The following COPB1 variants were observed in gnomAD, a reference collection of about 807,000 sequenced individuals.
The protein encoded by COPB1 is coat protein complex I subunit beta 1.
COPB1 carries 21 observed loss-of-function variants against 108.7 expected under a neutral mutation model. The observed-to-expected ratio is 0.19, with a 90% CI of 0.14 to 0.28. The LOEUF (loss-of-function observed/expected upper bound fraction) is 0.28. COPB1 is among the 10% of genes least tolerant of loss of function. The pLI, the probability that COPB1 is intolerant of heterozygous loss-of-function variation, is 1.00. For missense variants in COPB1, 919 were observed against 1,141.3 expected (o/e 0.81, Z 2.81); for synonymous variants, 378 against 386.8 (o/e 0.98, Z 0.27).
chr11:14,469,049 C>T (rs1850347450), intron 15 of COPB1, among the ~76,000 whole-genome samples, 189 bp from the exon 16 acceptor site: 1 of 152,134 alleles, frequency 6.6e-6, no homozygotes, highest in Non-Finnish European at 1.5e-5. Flanking sequence ...AGGCGGAGTG[C>T]AGTGGTATGA....
At chr11:14,496,122 A>G (rs1440835142) in intron 2 of COPB1, among the ~76,000 whole-genome samples, 1 of 152,236 alleles carries the variant, frequency 6.6e-6, no homozygotes, top group African/African-American at 2.4e-5. Context: ...ACTGCAAACT[A>G]TCTTCTAAAA....
At chr11:14,463,914 T>A (rs922025191) in intron 18 of COPB1, among the ~76,000 whole-genome samples, 3 of 152,196 alleles carry the variant, frequency 2.0e-5, no homozygotes, top group South Asian at 4.1e-4. Flanking sequence ...TCCTCTGCCA[T>A]CTCTCACTTG....
intron 12 of COPB1, among the ~76,000 whole-genome samples, chr11:14,476,323 C>A (rs576732200): frequency 5.9e-5 from 9 of 152,262 alleles, no homozygotes; most frequent in Admixed American, 5.9e-4. Flanking sequence ...GAAATTTTAA[C>A]CAAAACAGTA....
At chr11:14,461,728 C>T (rs10832276) in intron 18 of COPB1, among the ~76,000 whole-genome samples, 48,959 of 151,952 alleles carry the variant, frequency 0.32, 9,132 homozygotes, top group South Asian at 0.45. Flanking sequence ...TACAAGTGGA[C>T]GATGTTCCCA....
intron 2 of COPB1, among the ~76,000 whole-genome samples, chr11:14,495,187 T>C (rs1159552846): frequency 6.6e-6 from 1 of 152,238 alleles, no homozygotes; most frequent in African/African-American, 2.4e-5. Flanking sequence ...TATCATTGCA[T>C]ACTGAAGAAT....
intron 19 of COPB1, among the ~76,000 whole-genome samples, chr11:14,460,550 C>T (rs931484899): frequency 1.3e-5 from 2 of 151,838 alleles, no homozygotes; most frequent in South Asian, 2.1e-4. Flanking sequence ...CAGGGTCTCA[C>T]TCTGTCACCC....
chr11:14,486,673 C>T lies in COPB1; in HGVS notation c.700-169G>A, dbSNP rs898450267. ...GACAAAATGGGATGAGACACTATGACACAACATCAGTAATTTCAGAAAGAA... is the reference window on the plus strand; with the variant it reads ...GACAAAATGGGATGAGACACTATGATACAACATCAGTAATTTCAGAAAGAA... On this transcript the variant is annotated intron_variant, in intron 6 of 21. Transcript: ENST00000439561. 3.3e-5 allele frequency among the ~76,000 whole-genome samples: 5 copies of T among 152,026 alleles called. 1 individual carries two copies. In the South Asian group the frequency reaches 8.3e-4, roughly 25 times the overall value.
intron 20 of COPB1, among the ~76,000 whole-genome samples, chr11:14,459,240 T>C (rs964270709): frequency 8.4e-5 from 9 of 106,718 alleles, no homozygotes; most frequent in African/African-American, 2.9e-4. Context: ...TGTATTTATA[T>C]ATTCTGTTTA....
chr11:14,476,935 C>A lies in COPB1; in HGVS notation c.1439G>T (p.Arg480Leu). ...EDIQSVMTEI[R>L]RSLGEIPIVE... ...AAAACATACCTCTCCAAGGGACCTG[C>A]GGATCTCAGTCATCACACTCTGAAT... The change falls in exon 12 of 22, where the codon CGC becomes CTC. Residue 480 changes from arginine to leucine, a missense_variant. Physicochemically the swap from Arg to Leu is moderately radical, Grantham distance 102. Transcript: ENST00000439561. 3 of 1,606,936 alleles carry A rather than the reference C, an allele frequency of 1.9e-6. No homozygotes were observed. The highest frequency in any genetic ancestry group is 2.6e-6 in the Non-Finnish European group (3 of 1,173,564).
At chr11:14,481,948 C>T (rs1431389282) in intron 8 of COPB1, among the ~76,000 whole-genome samples, 7 of 152,098 alleles carry the variant, frequency 4.6e-5, no homozygotes, top group African/African-American at 1.4e-4. Flanking sequence ...ACCACCATGT[C>T]CAGCTAATTT....
rs143255654 is a variant in COPB1, at chr11:14,471,801, A to T, written c.1738-2238T>A. 6.9e-3 allele frequency among the ~76,000 whole-genome samples: 1,054 copies of T among 152,292 alleles called. 9 individuals carry two copies. The highest frequency in any genetic ancestry group is 0.024 in the African/African-American group (1,000 of 41,546). On this transcript the variant is annotated intron_variant, in intron 14 of 21. Transcript: ENST00000439561. ...GACAGGCGTGGTGGCAGGCGCCTGT[A>T]GCCCCAGCTACTCGGGAGGCTGAGC...
chr11:14,480,149 G>C (rs1429010795), intron 10 of COPB1, among the ~76,000 whole-genome samples: 1 of 152,156 alleles, frequency 6.6e-6, no homozygotes, highest in Non-Finnish European at 1.5e-5. Context: ...AATGTAAATT[G>C]AGAGACAAGT....
rs1851085056 is a variant in COPB1 at position 14,498,828 on chromosome 11, C to A, written c.91+10G>T. ...TTTCATTTCATTCTCAAAATAATAT[C>A]GAAGTTTACCTAGATCATTTTTTAA... On this transcript the variant is annotated intron_variant, in intron 2 of 21. Coordinates refer to ENST00000439561, the MANE Select transcript of COPB1 (RefSeq NM_001144061.2). 1.3e-6 allele frequency: 2 copies of A among 1,557,314 alleles called. No homozygotes were observed. Among genetic ancestry groups the A allele is most frequent in the Admixed American group, 2.0e-5 (1 of 50,450 alleles).
chr11:14,461,274 T>G lies in COPB1; in HGVS notation c.2468A>C (p.His823Pro). ...CTGGATATAGTCCATGATGTCGATG[T>G]GAATATCACTGAGAACCACACAATT... ...DRNCVVLSDI[H>P]IDIMDYIQPA... Residue 823 changes from histidine to proline, a missense_variant, in exon 19 of 22, where the codon CAC becomes CCC. By Grantham distance (77) the His-to-Pro change is moderately conservative. Coordinates refer to ENST00000439561, the MANE Select transcript of COPB1 (RefSeq NM_001144061.2). 1 of 1,614,174 alleles carries G rather than the reference T, an allele frequency of 6.2e-7. No individual in the cohort carries two copies. Among genetic ancestry groups the G allele is most frequent in the African/African-American group, 1.3e-5 (1 of 75,042 alleles).
chr11:14,460,447 C>T, intron 19 of COPB1, 150 bp from the exon 20 acceptor site: 2 of 578,204 alleles, frequency 3.5e-6, no homozygotes, highest in African/African-American at 3.8e-5. Flanking sequence ...TAAAATCCAA[C>T]AAGCTGTAGG....
rs1414576884 is a variant in COPB1 at position 14,468,819 on chromosome 11, G to T, written c.2007C>A (p.Asp669Glu). 1.9e-6 allele frequency: 3 copies of T among 1,613,958 alleles called. No individual in the cohort carries two copies. The highest frequency in any genetic ancestry group is 2.5e-6 in the Non-Finnish European group (3 of 1,179,892). The part of the protein sequence containing the change: ...EKRNVTVQPD[D>E]PISFMQLTAK... ...CAGTTAGTTGCATGAAGGAAATGGG[G>T]TCATCAGGCTGTACTGTCACATTCC... Residue 669 changes from aspartate to glutamate, a missense_variant, in exon 16 of 22, where the codon GAC becomes GAA. Asp to Glu is a conservative substitution (Grantham distance 45). This residue lies in a region of COPB1 where 705 missense variants were observed against 817.8 expected (regional missense o/e 0.86). Transcript: ENST00000439561.
At chr11:14,467,495 T>G (rs1481847795) in intron 16 of COPB1, among the ~76,000 whole-genome samples, 4 of 152,082 alleles carry the variant, frequency 2.6e-5, no homozygotes, top group Non-Finnish European at 4.4e-5. Flanking sequence ...CTCAAAAAAT[T>G]AAAAGTACAA....
chr11:14,479,464 G>T, intron 11 of COPB1, 105 bp downstream of exon 11: 1 of 1,051,200 alleles, frequency 9.5e-7, no homozygotes, highest in Non-Finnish European at 1.3e-6. Flanking sequence ...GTCTTATTTT[G>T]GCTTGATTGT....
intron 8 of COPB1, among the ~76,000 whole-genome samples, chr11:14,482,722 G>C (rs1850687435): frequency 6.6e-6 from 1 of 152,092 alleles, no homozygotes; most frequent in South Asian, 2.1e-4. Context: ...TTTTAGTATA[G>C]ACAGGGTTTT....
Sources: gnomAD v4.1 joint callset for allele counts (sites outside exome capture counted in the v4.1 genomes callset) on GRCh38, gnomAD v4.1.1 for gene constraint, gnomAD v4.1.1 regional missense constraint, MANE v1.5 for transcripts, NCBI Gene and HGNC (gene_info 2026-07-23, HGNC 2026-07-21) for gene names.